The following ADAMTS18 variants were observed in gnomAD, a reference collection of about 807,000 sequenced individuals.
The protein encoded by ADAMTS18 is ADAM metallopeptidase with thrombospondin type 1 motif 18.
In ADAMTS18, 157 loss-of-function variants were observed where a neutral mutation model predicts 165.9. The ratio of observed to expected loss-of-function variants is 0.95; its 90% CI spans 0.83 to 1.08. ADAMTS18 has a LOEUF of 1.08. ADAMTS18 is among the 50% of genes least tolerant of loss of function. The probability of loss-of-function intolerance (pLI) is 0.00; values close to 1 mark genes in which losing one functional copy is unlikely to be tolerated. For synonymous variants in ADAMTS18, 782 were observed against 578.2 expected (o/e 1.35, Z -5.06); for missense variants, 2,040 against 1,534.0 (o/e 1.33, Z -5.51).
chr16:77,329,032 T>G (rs8048250), intron 12 of ADAMTS18, among the ~76,000 whole-genome samples: 2 of 152,006 alleles, frequency 1.3e-5, no homozygotes, highest in Non-Finnish European at 2.9e-5. Flanking sequence ...TGGGGCCGGG[T>G]ATGGAAAGAA....
At chr16:77,392,242 G>A (rs556138572) in intron 3 of ADAMTS18, among the ~76,000 whole-genome samples, 58 of 152,312 alleles carry the variant, frequency 3.8e-4, no homozygotes, top group African/African-American at 1.4e-3. Flanking sequence ...TGGCCAAGTA[G>A]TGGTGTCACG....
intron 3 of ADAMTS18, among the ~76,000 whole-genome samples, chr16:77,405,201 G>C (rs2057378608): frequency 6.6e-6 from 1 of 152,122 alleles, no homozygotes; most frequent in Non-Finnish European, 1.5e-5. Context: ...CAGCTAAGTG[G>C]ATCCAAATTC....
intron 3 of ADAMTS18, among the ~76,000 whole-genome samples, chr16:77,388,937 G>C (rs1357536925): frequency 1.3e-5 from 2 of 152,156 alleles, no homozygotes; most frequent in South Asian, 4.1e-4. Context: ...TTCTAATGAA[G>C]CTGGCAGCAG....
intron 4 of ADAMTS18, among the ~76,000 whole-genome samples, chr16:77,366,180 T>A (rs2056790731): frequency 6.6e-6 from 1 of 152,126 alleles, no homozygotes; most frequent in African/African-American, 2.4e-5. Flanking sequence ...GGCTGTGGTA[T>A]CCAACTTGGC....
chr16:77,346,699 A>T (rs1231328173), intron 10 of ADAMTS18, among the ~76,000 whole-genome samples: 2 of 152,222 alleles, frequency 1.3e-5, no homozygotes, highest in African/African-American at 4.8e-5. Context: ...AAGCCCATGT[A>T]TGCCTGAGTT....
intron 16 of ADAMTS18, among the ~76,000 whole-genome samples, chr16:77,318,445 A>G (rs1474625802): frequency 6.6e-6 from 1 of 152,228 alleles, no homozygotes; most frequent in African/African-American, 2.4e-5. Context: ...CATGTAACAC[A>G]GTCTGTTTAA....
At chr16:77,380,615 T>G (rs1164186247) in intron 3 of ADAMTS18, among the ~76,000 whole-genome samples, 1 of 152,222 alleles carries the variant, frequency 6.6e-6, no homozygotes, top group Non-Finnish European at 1.5e-5. Flanking sequence ...AAAAATTAAA[T>G]GTAAAAATGT....
intron 16 of ADAMTS18, among the ~76,000 whole-genome samples, chr16:77,307,048 G>T (rs1340678977): frequency 4.6e-5 from 7 of 152,194 alleles, no homozygotes; most frequent in Admixed American, 4.6e-4. Context: ...CACTGGGTTT[G>T]AACCTAAGAA....
intron 18 of ADAMTS18, among the ~76,000 whole-genome samples, 182 bp downstream of exon 18, chr16:77,297,107 G>C (rs1288883428): frequency 6.6e-6 from 1 of 152,138 alleles, no homozygotes; most frequent in Non-Finnish European, 1.5e-5. Context: ...CTCCCAAGTA[G>C]CTAGGACCAC....
chr16:77,345,836 T>A (rs2056467380), intron 10 of ADAMTS18, among the ~76,000 whole-genome samples: 1 of 152,182 alleles, frequency 6.6e-6, no homozygotes, highest in Admixed American at 6.5e-5. Context: ...TCAGTGTCAG[T>A]CAGCTCATGG....
intron 12 of ADAMTS18, among the ~76,000 whole-genome samples, chr16:77,327,959 G>A (rs1454245427): frequency 6.6e-6 from 1 of 152,096 alleles, no homozygotes; most frequent in African/African-American, 2.4e-5. Flanking sequence ...TGACTGTTGT[G>A]TGTTTCTTCT....
intron 18 of ADAMTS18, 119 bp downstream of exon 18, chr16:77,297,170 C>A (rs568226330): frequency 7.1e-7 from 1 of 1,417,766 alleles, no homozygotes; most frequent in East Asian, 2.4e-5. Flanking sequence ...TAAAGTATTG[C>A]GTCTACCTTT....
intron 8 of ADAMTS18, among the ~76,000 whole-genome samples, chr16:77,356,910 A>T (rs1015300375): frequency 2.0e-5 from 3 of 152,052 alleles, no homozygotes; most frequent in African/African-American, 7.2e-5. Flanking sequence ...GCGATGTTAA[A>T]GTGGTAGAAG....
chr16:77,336,021 C>G (rs1328907142), intron 11 of ADAMTS18, 117 bp from the exon 12 acceptor site: 1 of 1,219,068 alleles, frequency 8.2e-7, no homozygotes, highest in African/African-American at 1.5e-5. Context: ...AAGGAAAATG[C>G]CTGATACCTT....
Position 77,353,851 on chromosome 16 carries a change from T to C in ADAMTS18, c.1496A>G (p.Lys499Arg), listed in dbSNP as rs149505308. ...CGGATATTTATACTGTCCTGCTTGC[T>C]TGGGCTCATCCACTAGACACCCCGC... Reference protein sequence around the residue: ...PQAGCLVDEPKQAGQYKYPDK... With the variant: ...PQAGCLVDEPRQAGQYKYPDK... Residue 499 changes from lysine to arginine, a missense_variant, in exon 10 of 23, where the codon AAG becomes AGG. Lys to Arg is a conservative substitution (Grantham distance 26). Coordinates refer to ENST00000282849, the MANE Select transcript of ADAMTS18 (RefSeq NM_199355.4). 236 of 1,614,186 alleles carry C rather than the reference T, an allele frequency of 1.5e-4. No individual in the cohort carries two copies. The African/African-American group carries it at 2.7e-3, about 19-fold the overall frequency.
chr16:77,351,729 A>C (rs939773217), intron 10 of ADAMTS18, among the ~76,000 whole-genome samples: 3 of 152,054 alleles, frequency 2.0e-5, no homozygotes, highest in African/African-American at 7.2e-5. Context: ...ACAGTCTGTT[A>C]ATTTTTTTTT....
At chr16:77,399,217 C>G (rs990023227) in intron 3 of ADAMTS18, among the ~76,000 whole-genome samples, 2 of 152,126 alleles carry the variant, frequency 1.3e-5, no homozygotes, top group Non-Finnish European at 2.9e-5. Context: ...ACATTGCTGT[C>G]TTTGGTCTGA....
chr16:77,295,847 C>A (rs1193209795), intron 18 of ADAMTS18, among the ~76,000 whole-genome samples: 1 of 151,866 alleles, frequency 6.6e-6, no homozygotes, highest in East Asian at 1.9e-4. Context: ...TCAATTGAAA[C>A]TTTTTTTGTT....
chr16:77,385,100 G>A (rs190385855), intron 3 of ADAMTS18, among the ~76,000 whole-genome samples: 2 of 151,752 alleles, frequency 1.3e-5, no homozygotes, highest in Non-Finnish European at 2.9e-5. Context: ...GTAGAGACAG[G>A]GTTTCACCAT....
Sources: allele counts gnomAD v4.1 joint callset (sites outside exome capture counted in the v4.1 genomes callset), GRCh38; gene constraint gnomAD v4.1.1; transcripts MANE v1.5; gene names NCBI Gene and HGNC (gene_info 2026-07-23, HGNC 2026-07-21).